The following NUMA1 variants were observed in gnomAD, a reference collection of about 807,000 sequenced individuals.
The protein encoded by NUMA1 is SP-H antigen.
A neutral mutation model predicts 237.1 loss-of-function variants in NUMA1; 62 were observed. That is an observed-to-expected ratio of 0.26 (90% CI 0.21 to 0.32). The LOEUF (loss-of-function observed/expected upper bound fraction) is 0.32. NUMA1 is among the 10% of genes least tolerant of loss of function. NUMA1 has a pLI of 1.00. For synonymous variants in NUMA1, 1,028 were observed against 1,066.1 expected, an observed-to-expected ratio of 0.96 and a Z score of 0.70; for missense variants, 2,533 against 2,666.5, an observed-to-expected ratio of 0.95 and a Z score of 1.10.
chr11:72,015,742 A>G lies in NUMA1; in HGVS notation c.1761T>C (p.Thr587=). 2 of 1,614,176 alleles carry G rather than the reference A, an allele frequency of 1.2e-6. No homozygotes were observed. The highest frequency in any genetic ancestry group is 1.7e-6 in the Non-Finnish European group (2 of 1,180,034). The part of the protein sequence containing the change: ...TRQDHAQQLA[T]AAEEREASLR... ...AGGAGGCCTCTCGCTCCTCTGCAGCAGTGGCCAGTTGCTGGGCATGGTCCT... is the reference window on the plus strand; with the variant it reads ...AGGAGGCCTCTCGCTCCTCTGCAGCGGTGGCCAGTTGCTGGGCATGGTCCT... The change falls in exon 15 of 27, where the codon ACT becomes ACC. Residue 587 remains threonine, a synonymous_variant. Coordinates refer to ENST00000393695, the MANE Select transcript of NUMA1 (RefSeq NM_006185.4). The surrounding 1 kb of genome is among the most constrained non-coding windows in gnomAD (Gnocchi z 4.0).
chr11:72,027,531 G>A (rs1224044277), intron 4 of NUMA1, among the ~76,000 whole-genome samples: 1 of 129,326 alleles, frequency 7.7e-6, no homozygotes, highest in African/African-American at 2.8e-5. Flanking sequence ...ACAAAATCCA[G>A]GATTTAAGGA....
rs139018038 is a variant in NUMA1 at position 72,060,424 on chromosome 11, G to A, written c.-33+9418C>T. 3.7e-3 allele frequency among the ~76,000 whole-genome samples: 568 copies of A among 152,170 alleles called. 4 individuals carry two copies. Among genetic ancestry groups the A allele is most frequent in the African/African-American group, 0.013 (549 of 41,504 alleles). On this transcript the variant is annotated intron_variant, in intron 2 of 26. Transcript: ENST00000393695. ...GGCTGAAGGTGGTGGACTGCTTGCT[G>A]TTTGAGCCCAGGAGTTCGAGACCAA... is the stretch of plus-strand genomic sequence containing the variant.
chr11:72,051,749 T>C (rs562920636), intron 2 of NUMA1, among the ~76,000 whole-genome samples: 37 of 152,260 alleles, frequency 2.4e-4, no homozygotes, highest in African/African-American at 8.2e-4. Context: ...GGATTACAAG[T>C]GTGAGCCACT....
intron 4 of NUMA1, among the ~76,000 whole-genome samples, chr11:72,027,819 G>T (rs536333319): frequency 2.6e-5 from 4 of 152,298 alleles, no homozygotes; most frequent in African/African-American, 7.2e-5. Context: ...GGCCATGAGG[G>T]CCTAGTATCC....
chr11:72,005,671 T>C (rs569570518), intron 22 of NUMA1: 62 of 497,216 alleles, frequency 1.2e-4, no homozygotes, highest in Non-Finnish European at 2.0e-4. Context: ...GGACCGGGAA[T>C]TAATTCCCAG....
chr11:72,019,016 G>A (rs370811525), intron 9 of NUMA1, 36 bp from the exon 10 acceptor site: 26 of 1,608,756 alleles, frequency 1.6e-5, no homozygotes, highest in East Asian at 1.1e-4. Flanking sequence ...ATTGGTAAGC[G>A]CCTAAGATCT....
At chr11:72,034,779 A>G (rs1330826807) in intron 3 of NUMA1, among the ~76,000 whole-genome samples, 1 of 151,876 alleles carries the variant, frequency 6.6e-6, no homozygotes, top group African/African-American at 2.4e-5. Flanking sequence ...CTGTGATTCT[A>G]TGCTGGGCAT....
intron 4 of NUMA1, among the ~76,000 whole-genome samples, chr11:72,026,654 AT>A (rs1939630441): frequency 6.6e-6 from 1 of 151,884 alleles, no homozygotes; most frequent in African/African-American, 2.4e-5. Flanking sequence ...TTTTTTTTTA[AT>A]TTTTTAAAGA....
At chr11:72,029,586 AC>A (rs1370127333) in intron 3 of NUMA1, among the ~76,000 whole-genome samples, 17 of 152,264 alleles carry the variant, frequency 1.1e-4, no homozygotes, top group African/African-American at 4.1e-4. Flanking sequence ...ATAAATTGGT[AC>A]TACCACTGCT....
intron 8 of NUMA1, 111 bp from the exon 9 acceptor site, chr11:72,019,728 T>C: frequency 8.7e-7 from 1 of 1,147,896 alleles, no homozygotes. Flanking sequence ...TATCCATGGA[T>C]ACTTATATGT....
At chr11:72,025,612 C>T (rs901543158) in intron 4 of NUMA1, among the ~76,000 whole-genome samples, 9 of 151,850 alleles carry the variant, frequency 5.9e-5, no homozygotes, top group Non-Finnish European at 1.0e-4. Context: ...TAGTGGGCCC[C>T]TTGCTTCTCA....
intron 13 of NUMA1, chr11:72,017,383 T>C (rs982807969): frequency 1.7e-5 from 7 of 420,576 alleles, no homozygotes; most frequent in Non-Finnish European, 3.1e-5. Flanking sequence ...CTACTCCCAT[T>C]TTAGGGAAAG....
chr11:72,038,303 G>A (rs144375700), intron 2 of NUMA1, among the ~76,000 whole-genome samples: 13 of 152,282 alleles, frequency 8.5e-5, no homozygotes, highest in African/African-American at 2.9e-4. Context: ...AGGAGAGCCT[G>A]TCTAAAACTA....
Position 72,013,071 on chromosome 11 carries a change from G to C in NUMA1, c.4432C>G (p.Gln1478Glu). Residue 1478 changes from glutamine to glutamate, a missense_variant, in exon 15 of 27, where the codon CAA becomes GAA. Around this residue, in one of 3 missense-constraint regions of NUMA1, gnomAD observed 324 missense variants for 407.6 expected, o/e 0.79. Transcript: ENST00000393695. The surrounding 1 kb of genome is among the most constrained non-coding windows in gnomAD (Gnocchi z 6.8). ...ELDQAREKYV[Q>E]ELAAVRADAE... ...TCAGCACGTACGGCTGCCAACTCTTGGACATACTTCTCCCGGGCCTGGTCC... is the reference window on the plus strand; with the variant it reads ...TCAGCACGTACGGCTGCCAACTCTTCGACATACTTCTCCCGGGCCTGGTCC... 6.2e-7 allele frequency: 1 copy of C among 1,614,192 alleles called. No individual in the cohort carries two copies.
chr11:72,038,401 C>A (rs997222041), intron 2 of NUMA1, among the ~76,000 whole-genome samples: 1 of 152,168 alleles, frequency 6.6e-6, no homozygotes, highest in African/African-American at 2.4e-5. Context: ...CCAATATTCA[C>A]CACTAGGAAC....
intron 2 of NUMA1, among the ~76,000 whole-genome samples, chr11:72,044,371 C>A (rs1401880800): frequency 6.6e-6 from 1 of 152,066 alleles, no homozygotes; most frequent in East Asian, 1.9e-4. Flanking sequence ...TCCTACTTGG[C>A]ATTTTGGTCC....
chr11:72,063,173 C>T (rs1405815151), intron 2 of NUMA1, among the ~76,000 whole-genome samples: 1 of 152,134 alleles, frequency 6.6e-6, no homozygotes, highest in African/African-American at 2.4e-5. Context: ...TGCTTGAGCC[C>T]AGGAGTTCAA....
intron 1 of NUMA1, 98 bp downstream of exon 1, chr11:72,080,360 G>A (rs1364634063): frequency 2.1e-5 from 3 of 142,916 alleles, no homozygotes; most frequent in African/African-American, 7.9e-5. Flanking sequence ...TATGGAGGAG[G>A]CCTTCCGCTC....
At chr11:72,049,560 A>AAATATATATATATATATAT (rs1555034474) in intron 2 of NUMA1, 20 of 41,016 alleles carry the variant, frequency 4.9e-4, no homozygotes, top group African/African-American at 1.5e-3. Flanking sequence ...AAATAATAAT[A>AAATATATATATATATATAT]ATATATATAT....
Sources: gnomAD v4.1 joint callset for allele counts (sites outside exome capture counted in the v4.1 genomes callset) on GRCh38, gnomAD v4.1.1 for gene constraint, gnomAD v4.1.1 regional missense constraint, Gnocchi (gnomAD v3.1) non-coding constraint, MANE v1.5 for transcripts, NCBI Gene and HGNC (gene_info 2026-07-23, HGNC 2026-07-21) for gene names.